ZBTB16: variants seen among roughly 807,000 people sequenced by gnomAD.
ZBTB16 encodes zinc finger and BTB domain containing 16, also known as zinc finger and BTB domain-containing protein 16.
ZBTB16 carries 8 observed loss-of-function variants against 56.8 expected under a neutral mutation model. That is an observed-to-expected ratio of 0.14 (90% CI 0.08 to 0.25). The LOEUF is 0.25. ZBTB16 is among the 10% of genes least tolerant of loss of function. ZBTB16 has a pLI of 1.00. For synonymous variants in ZBTB16, 363 were observed against 368.5 expected, an observed-to-expected ratio of 0.98 and a Z score of 0.17; for missense variants, 625 against 903.0, an observed-to-expected ratio of 0.69 and a Z score of 3.95.
At chr11:114,122,623 T>G (rs1175167899) in intron 2 of ZBTB16, among the ~76,000 whole-genome samples, 1 of 152,138 alleles carries the variant, frequency 6.6e-6, no homozygotes, top group East Asian at 1.9e-4. Flanking sequence ...GTTAGAAACT[T>G]AGGTGGAATT....
intron 4 of ZBTB16, among the ~76,000 whole-genome samples, chr11:114,222,077 G>A (rs868653957): frequency 2.4e-4 from 37 of 152,138 alleles, no homozygotes; most frequent in African/African-American, 7.2e-4. Flanking sequence ...GTGTGGAATC[G>A]TGCTTGGTGG....
chr11:114,088,120 A>G (rs190872551), intron 2 of ZBTB16, among the ~76,000 whole-genome samples: 18 of 149,482 alleles, frequency 1.2e-4, no homozygotes, highest in African/African-American at 4.2e-4. Flanking sequence ...CAGAAGAGGT[A>G]TAGATAAAGC....
rs751449045 is a variant in ZBTB16, at chr11:114,106,507, G to GTC, written c.1268+41939_1268+41940insTC. On this transcript the variant is annotated intron_variant, in intron 2 of 6. Coordinates refer to ENST00000335953, the MANE Select transcript of ZBTB16 (RefSeq NM_006006.6). ...TTTTTTTGAGACAGAGTCTTGCTCTGGCACCCAGGCTTGAATGCAGTGGCA... is the reference window on the plus strand; with the variant it reads ...TTTTTTTGAGACAGAGTCTTGCTCTGTCGCACCCAGGCTTGAATGCAGTGGCA... Among the ~76,000 whole-genome samples, 4 of 144,306 alleles carry GTC rather than the reference G, an allele frequency of 2.8e-5. No individual in the cohort carries two copies. In the East Asian group the frequency reaches 8.0e-4, roughly 29 times the overall value. 94.7% of individuals were successfully genotyped at this position (144,306 alleles called of 152,430 possible).
chr11:114,209,725 C>T lies in ZBTB16; in HGVS notation c.1453+22687C>T, dbSNP rs999635836. On this transcript the variant is annotated intron_variant, in intron 4 of 6. Coordinates refer to ENST00000335953, the MANE Select transcript of ZBTB16 (RefSeq NM_006006.6). ...ATAGAGAATCCTCAATTTCAGGCCC[C>T]CAGGCATGTTCACCCCTCTCTCACT... 7.1e-6 allele frequency: 7 copies of T among 985,302 alleles called. No homozygotes were observed. The Admixed American group carries it at 3.1e-4, about 43-fold the overall frequency. The allele number at this position is 985,302 out of a possible 1,614,324, so 61.0% of individuals were successfully genotyped here.
intron 3 of ZBTB16, among the ~76,000 whole-genome samples, chr11:114,157,354 A>G (rs1048028676): frequency 6.6e-6 from 1 of 152,216 alleles, no homozygotes; most frequent in Non-Finnish European, 1.5e-5. Context: ...TGTGAACCTC[A>G]GTTTCTGCAT....
In ZBTB16 at chr11:114,247,301, C is replaced by T. The variant is rs1944833595; in HGVS notation, c.1728C>T (p.Cys576=). 2 of 1,614,136 alleles carry T rather than the reference C, an allele frequency of 1.2e-6. No individual in the cohort carries two copies. The highest frequency in any genetic ancestry group is 1.1e-5 in the South Asian group (1 of 91,090). The change falls in exon 6 of 7, where the codon TGC becomes TGT. Residue 576 remains cysteine (C), a synonymous_variant. Transcript: ENST00000335953. ...ACACGGGTGAGAAACCCTACGAGTG[C>T]AATGGCTGTGGCAAGAAGTTCAGCC... ...RIHTGEKPYE[C]NGCGKKFSLK... is the part of the protein sequence containing the mutation.
intron 4 of ZBTB16, among the ~76,000 whole-genome samples, chr11:114,213,915 C>CT (rs1324646974): frequency 6.6e-6 from 1 of 152,180 alleles, no homozygotes; most frequent in East Asian, 1.9e-4. Context: ...AGAGTTCACA[C>CT]TTGAACTACT....
chr11:114,211,968 G>T (rs386800), intron 4 of ZBTB16, among the ~76,000 whole-genome samples: 3 of 152,084 alleles, frequency 2.0e-5, no homozygotes. Flanking sequence ...AGGGCAGGGG[G>T]ACTCGCCCTC....
At chr11:114,156,287 C>G in intron 2 of ZBTB16, 50 bp from the exon 3 acceptor site, 1 of 1,600,032 alleles carries the variant, frequency 6.2e-7, no homozygotes, top group Non-Finnish European at 8.6e-7. Context: ...ATGGCCCTGC[C>G]TCTTGTCCAG....
chr11:114,202,820 G>C (rs1265478308), intron 4 of ZBTB16, among the ~76,000 whole-genome samples: 1 of 152,176 alleles, frequency 6.6e-6, no homozygotes, highest in Non-Finnish European at 1.5e-5. Context: ...GCAAGGACAG[G>C]CAGGTATCAC....
chr11:114,084,708 G>C (rs557400486), intron 2 of ZBTB16, among the ~76,000 whole-genome samples: 10 of 152,312 alleles, frequency 6.6e-5, no homozygotes, highest in Admixed American at 3.9e-4. Context: ...CCTTCTCCAC[G>C]TGGGGCCTCA....
At chr11:114,211,984 A>G (rs926424410) in intron 4 of ZBTB16, among the ~76,000 whole-genome samples, 18 of 152,300 alleles carry the variant, frequency 1.2e-4, no homozygotes, top group African/African-American at 3.4e-4. Context: ...CCCTCCTGGC[A>G]TGTGATTGAT....
intron 3 of ZBTB16, among the ~76,000 whole-genome samples, chr11:114,156,866 A>T (rs1942427242): frequency 1.3e-5 from 2 of 152,212 alleles, no homozygotes. Context: ...AGTTAATTTT[A>T]TACAATTCTA....
At chr11:114,235,678 C>CTTTCTTTCT (rs1413649772) in intron 4 of ZBTB16, among the ~76,000 whole-genome samples, 2 of 28,582 alleles carry the variant, frequency 7.0e-5, no homozygotes, top group African/African-American at 1.9e-4. Flanking sequence ...TTCTTTCTTT[C>CTTTCTTTCT]TTTCTTTCTT....
At chr11:114,151,418 T>C (rs1942275797) in intron 2 of ZBTB16, among the ~76,000 whole-genome samples, 1 of 152,198 alleles carries the variant, frequency 6.6e-6, no homozygotes, top group Non-Finnish European at 1.5e-5. Flanking sequence ...TTTCCCACTT[T>C]ATTTTTCCTC....
At chr11:114,130,443 G>A (rs1243279909) in intron 2 of ZBTB16, among the ~76,000 whole-genome samples, 1 of 152,198 alleles carries the variant, frequency 6.6e-6, no homozygotes, top group Non-Finnish European at 1.5e-5. Flanking sequence ...TAGGACTGAT[G>A]CTGTGCCCCA....
chr11:114,190,728 C>CATATAT (rs10558106), intron 4 of ZBTB16, among the ~76,000 whole-genome samples: 15 of 108,482 alleles, frequency 1.4e-4, no homozygotes, highest in African/African-American at 6.4e-4. Flanking sequence ...ACCTCTCTCT[C>CATATAT]ATACACACAC....
chr11:114,156,660 G>A (rs936901482), intron 3 of ZBTB16, among the ~76,000 whole-genome samples: 1 of 152,174 alleles, frequency 6.6e-6, no homozygotes, highest in African/African-American at 2.4e-5. Context: ...GGTTTCCCAG[G>A]CATCAGTGGC....
At chr11:114,137,813 G>A (rs1941836953) in intron 2 of ZBTB16, among the ~76,000 whole-genome samples, 1 of 152,192 alleles carries the variant, frequency 6.6e-6, no homozygotes, top group Non-Finnish European at 1.5e-5. Flanking sequence ...GGGCTTTCTG[G>A]GACCTGGATG....
Sources: gnomAD v4.1 joint callset for allele counts (sites outside exome capture counted in the v4.1 genomes callset) on GRCh38, gnomAD v4.1.1 for gene constraint, MANE v1.5 for transcripts, NCBI Gene and HGNC (gene_info 2026-07-23, HGNC 2026-07-21) for gene names.